The following GREM1 variants were observed in gnomAD, a reference collection of about 807,000 sequenced individuals.
The protein encoded by GREM1 is gremlin 1, DAN family BMP antagonist, also known as gremlin-1.
In GREM1, 6 loss-of-function variants were observed where a neutral mutation model predicts 13.1. The observed-to-expected ratio is 0.46, with a 90% CI of 0.25 to 0.91. The LOEUF is 0.91. Ranked by LOEUF, GREM1 falls within the 40% of genes least tolerant of loss-of-function variation. The pLI, the probability that GREM1 is intolerant of heterozygous loss-of-function variation, is 0.18. For synonymous variants in GREM1, 98 were observed against 93.7 expected, an observed-to-expected ratio of 1.05 and a Z score of -0.27; for missense variants, 185 against 233.9, an observed-to-expected ratio of 0.79 and a Z score of 1.36.
At chr15:32,722,191 A>C (rs957818106) in intron 1 of GREM1, among the ~76,000 whole-genome samples, 1 of 152,262 alleles carries the variant, frequency 6.6e-6, no homozygotes, top group Non-Finnish European at 1.5e-5. Flanking sequence ...CAAATTAAAA[A>C]TAAGCTATAG....
At chr15:32,720,080 T>C (rs1260664829) in intron 1 of GREM1, among the ~76,000 whole-genome samples, 1 of 151,522 alleles carries the variant, frequency 6.6e-6, no homozygotes, top group East Asian at 1.9e-4. Context: ...TATGTGTGCG[T>C]GTGTGTGTGT....
At chr15:32,728,871 A>C (rs2055560374) in intron 1 of GREM1, among the ~76,000 whole-genome samples, 1 of 152,176 alleles carries the variant, frequency 6.6e-6, no homozygotes, top group African/African-American at 2.4e-5. Context: ...AAATCCCTCC[A>C]CACTTTAATA....
At position 32,731,456 on chromosome 15, in the gene GREM1, G is replaced by C. The variant is rs1192711162; in HGVS notation, c.*211G>C. The C allele has an allele frequency of 9.9e-6, 6 of 605,560 alleles. No individual in the cohort carries two copies. Among genetic ancestry groups the C allele is most frequent in the African/African-American group, 1.9e-5 (1 of 53,684 alleles). 37.5% of individuals were successfully genotyped at this position (605,560 alleles called of 1,614,324 possible). On this transcript the variant is annotated 3_prime_UTR_variant, in exon 2 of 2. Transcript: ENST00000651154. ...AGACACCAGAGAAAACACAGTCTCT[G>C]CTAGAGAGCACTCCCTATTTTGTAA...
intron 1 of GREM1, among the ~76,000 whole-genome samples, chr15:32,729,150 A>T (rs1024760374): frequency 6.6e-6 from 1 of 151,420 alleles, no homozygotes; most frequent in Admixed American, 6.6e-5. Flanking sequence ...TAGACTCCCG[A>T]GTAGCTGGCA....
chr15:32,736,349 A>G lies in GREM1; in HGVS notation c.*5104A>G, dbSNP rs185600037. ...GGAGAAGCTGGAAAAAGAGATTTTC[A>G]TAGGGACTTTGAAAAGCTCCAAAGT... On this transcript the variant is annotated 3_prime_UTR_variant, in exon 2 of 2. Coordinates refer to ENST00000651154, the MANE Select transcript of GREM1 (RefSeq NM_013372.7). 2.0e-5 allele frequency: 3 copies of G among 152,318 alleles called. No homozygotes were observed. Among genetic ancestry groups the G allele is most frequent in the Admixed American group, 6.5e-5 (1 of 15,300 alleles). The allele number at this position is 152,318 out of a possible 1,614,324, so 9.4% of individuals were successfully genotyped here.
chr15:32,729,359 G>C (rs2055571559), intron 1 of GREM1, among the ~76,000 whole-genome samples: 1 of 127,758 alleles, frequency 7.8e-6, no homozygotes, highest in Non-Finnish European at 1.7e-5. Flanking sequence ...AAGAAGCACT[G>C]TCCCAGGAGG....
In GREM1 at chr15:32,738,117, A is replaced by G. The variant is rs113939035; in HGVS notation, c.*6872A>G. On this transcript the variant is annotated 3_prime_UTR_variant, in exon 2 of 2. Coordinates refer to ENST00000651154, the MANE Select transcript of GREM1 (RefSeq NM_013372.7). ...AAAAAAAAAAAAAAAAAAAAAAAAA[A>G]AAAAAAAAAAAAAAAAGAAAAGAAA... 2.3e-5 allele frequency: 3 copies of G among 130,528 alleles called. No individual in the cohort carries two copies. The highest frequency in any genetic ancestry group is 2.4e-4 in the South Asian group (1 of 4,252). 8.1% of individuals were successfully genotyped at this position (130,528 alleles called of 1,614,324 possible).
chr15:32,738,082 G>GAAAAAAAAAAAAA lies in GREM1; in HGVS notation c.*6837_*6838insAAAAAAAAAAAAA, dbSNP rs2055719393. On this transcript the variant is annotated 3_prime_UTR_variant, in exon 2 of 2. Transcript: ENST00000651154. The stretch of plus-strand genomic sequence containing the variant: ...TGGAGGTTCTACCTAGGGTAATTAG[G>GAAAAAAAAAAAAA]CAAAAAAAAAAAAAAAAAAAAAAAA... 6.3e-5 allele frequency: 1 copy of GAAAAAAAAAAAAA among 15,780 alleles called. No homozygotes were observed. Among genetic ancestry groups the GAAAAAAAAAAAAA allele is most frequent in the African/African-American group, 2.1e-4 (1 of 4,872 alleles). The allele number at this position is 15,780 out of a possible 1,614,324, so 1.0% of individuals were successfully genotyped here.
In GREM1 at chr15:32,736,309, A is replaced by G. The variant is rs1357399373; in HGVS notation, c.*5064A>G. 6.6e-6 allele frequency: 1 copy of G among 152,200 alleles called. No homozygotes were observed. Among genetic ancestry groups the G allele is most frequent in the Non-Finnish European group, 1.5e-5 (1 of 68,036 alleles). 9.4% of individuals were successfully genotyped at this position (152,200 alleles called of 1,614,324 possible). A position where few individuals can be genotyped will look rare whatever the true frequency, so the allele number is the denominator to read the frequency against. ...ACAGTTGGGGAAAGCAATTGGCTAA[A>G]TAAAAAGCCTAAAAGGAGAAGCTGG... On this transcript the variant is annotated 3_prime_UTR_variant, in exon 2 of 2. Transcript: ENST00000651154.
chr15:32,726,387 G>A (rs76252422), intron 1 of GREM1, among the ~76,000 whole-genome samples: 1 of 152,224 alleles, frequency 6.6e-6, no homozygotes, highest in South Asian at 2.1e-4. Context: ...ACCTGCTCCT[G>A]AATGACTACT....
rs1387638099 is a variant in GREM1, at chr15:32,742,595, G to T, written c.*11350G>T. On this transcript the variant is annotated 3_prime_UTR_variant, in exon 2 of 2. Transcript: ENST00000651154. ...AATCTTGAAAAAGAAGAACAAAGCT[G>T]GAGGCATTATACTTCCTGATTTCAA... is the stretch of plus-strand genomic sequence containing the variant. The T allele has an allele frequency of 6.6e-6, 1 of 152,132 alleles. No individual in the cohort carries two copies. The highest frequency in any genetic ancestry group is 1.9e-4 in the East Asian group (1 of 5,200). The allele number at this position is 152,132 out of a possible 1,614,324, so 9.4% of individuals were successfully genotyped here.
At chr15:32,718,253 G>A in intron 1 of GREM1, 92 bp downstream of exon 1, 1 of 1,011,778 alleles carries the variant, frequency 9.9e-7, no homozygotes, top group Non-Finnish European at 1.4e-6. Context: ...ACGCGCGGCA[G>A]CCCTCCGTGC....
At chr15:32,730,561 AG>A (rs1468995543) in intron 1 of GREM1, 128 bp from the exon 2 acceptor site, 1 of 655,660 alleles carries the variant, frequency 1.5e-6, no homozygotes, top group Non-Finnish European at 2.6e-6. Context: ...AGGTACTGTG[AG>A]AAGTAAATGG....
rs1025610806 is a variant in GREM1, at chr15:32,736,202, T to A, written c.*4957T>A. ...CTTGCAAGGCTATATTTGACCTGAC[T>A]GGAAGCTTCCCAGGGTAAAAAACTT... On this transcript the variant is annotated 3_prime_UTR_variant, in exon 2 of 2. Coordinates refer to ENST00000651154, the MANE Select transcript of GREM1 (RefSeq NM_013372.7). 10 of 152,200 alleles carry A rather than the reference T, an allele frequency of 6.6e-5. No homozygotes were observed. The highest frequency in any genetic ancestry group is 1.2e-4 in the Non-Finnish European group (8 of 68,050). The allele number at this position is 152,200 out of a possible 1,614,324, so 9.4% of individuals were successfully genotyped here.
At chr15:32,719,500 T>A (rs981294840) in intron 1 of GREM1, among the ~76,000 whole-genome samples, 1 of 152,020 alleles carries the variant, frequency 6.6e-6, no homozygotes, top group Non-Finnish European at 1.5e-5. Flanking sequence ...ATCTCGGCTC[T>A]TATAGACAGA....
Position 32,744,949 on chromosome 15 carries a change from C to T in GREM1, c.*13704C>T, listed in dbSNP as rs188055867. On this transcript the variant is annotated 3_prime_UTR_variant, in exon 2 of 2. Transcript: ENST00000651154. ...TTGTTACTTGTTAAAAACTTGATTTCGTAGATTGCTTTAAAATAAGAACAA... is the reference window on the plus strand; with the variant it reads ...TTGTTACTTGTTAAAAACTTGATTTTGTAGATTGCTTTAAAATAAGAACAA... 2.7e-3 allele frequency: 415 copies of T among 152,204 alleles called. 4 individuals are homozygous for T. Among genetic ancestry groups the T allele is most frequent in the African/African-American group, 9.3e-3 (388 of 41,520 alleles). The allele number at this position is 152,204 out of a possible 1,614,324, so 9.4% of individuals were successfully genotyped here.
Position 32,743,558 on chromosome 15 carries a change from T to A in GREM1, c.*12313T>A, listed in dbSNP as rs539059466. 20 of 152,384 alleles carry A rather than the reference T, an allele frequency of 1.3e-4. No homozygotes were observed. Among genetic ancestry groups the A allele is most frequent in the African/African-American group, 4.8e-4 (20 of 41,570 alleles). 9.4% of individuals were successfully genotyped at this position (152,384 alleles called of 1,614,324 possible). ...GATATAGATATAGGAGTGACTAATC[T>A]GGGTGGTTCTGGGTCAGAATCTCTG... is the stretch of plus-strand genomic sequence containing the variant. On this transcript the variant is annotated 3_prime_UTR_variant, in exon 2 of 2. Coordinates refer to ENST00000651154, the MANE Select transcript of GREM1 (RefSeq NM_013372.7).
chr15:32,729,055 G>A (rs538432502), intron 1 of GREM1, among the ~76,000 whole-genome samples: 3 of 147,278 alleles, frequency 2.0e-5, no homozygotes, highest in African/African-American at 5.0e-5. Context: ...ACAGAGTCTC[G>A]CTCAGTCACC....
At position 32,743,276 on chromosome 15, in the gene GREM1, G is replaced by A. The variant is rs745828300; in HGVS notation, c.*12031G>A. 1 of 152,146 alleles carries A rather than the reference G, an allele frequency of 6.6e-6. No individual in the cohort carries two copies. Among genetic ancestry groups the A allele is most frequent in the African/African-American group, 2.4e-5 (1 of 41,434 alleles). The allele number at this position is 152,146 out of a possible 1,614,324, so 9.4% of individuals were successfully genotyped here. ...ATGACAAGTTATATATAATAAGCCT[G>A]TAGGCCAATATCTGCTGGCAGCCAC... On this transcript the variant is annotated 3_prime_UTR_variant, in exon 2 of 2. Coordinates refer to ENST00000651154, the MANE Select transcript of GREM1 (RefSeq NM_013372.7).
Sources: allele counts gnomAD v4.1 joint callset (sites outside exome capture counted in the v4.1 genomes callset), GRCh38; gene constraint gnomAD v4.1.1; transcripts MANE v1.5; gene names NCBI Gene and HGNC (gene_info 2026-07-23, HGNC 2026-07-21).